The following STIM1 variants were observed in gnomAD, a reference collection of about 807,000 sequenced individuals.
STIM1 encodes the protein stromal interaction molecule 1.
In STIM1, 25 loss-of-function variants were observed where a neutral mutation model predicts 74.7. That is an observed-to-expected ratio of 0.33 (90% CI 0.24 to 0.47). The LOEUF is 0.47. Ranked by LOEUF, STIM1 falls within the 20% of genes least tolerant of loss-of-function variation. The pLI is 1.00. For synonymous variants in STIM1, 328 were observed against 348.8 expected (o/e 0.94, Z 0.66); for missense variants, 728 against 920.8 (o/e 0.79, Z 2.71).
intron 1 of STIM1, among the ~76,000 whole-genome samples, chr11:3,878,283 A>C (rs1047359313): frequency 1.3e-5 from 2 of 151,938 alleles, no homozygotes; most frequent in Non-Finnish European, 2.9e-5. Flanking sequence ...GGTGCTTTAC[A>C]CCAATAATTT....
At position 3,999,222 on chromosome 11, in the gene STIM1, A is replaced by G. The variant is rs551607792; in HGVS notation, c.271-24651A>G. On this transcript the variant is annotated intron_variant, in intron 2 of 12. Transcript: ENST00000526596. ...AAATTAGCCCCTGTGCCTGTAGTCC[A>G]AGCTACTCGGGAGGCTGAGGCAGGA... Among the ~76,000 whole-genome samples the G allele has an allele frequency of 3.3e-5, 5 of 152,250 alleles. No homozygotes were observed. The South Asian group carries it at 1.0e-3, about 32-fold the overall frequency.
chr11:4,090,439 C>T (rs2094517464), intron 12 of STIM1, among the ~76,000 whole-genome samples: 1 of 152,198 alleles, frequency 6.6e-6, no homozygotes, highest in Non-Finnish European at 1.5e-5. Flanking sequence ...TGCCGCACCA[C>T]AGACTTTGGT....
intron 3 of STIM1, among the ~76,000 whole-genome samples, chr11:4,048,562 A>G (rs964035772): frequency 3.9e-5 from 6 of 152,108 alleles, no homozygotes; most frequent in Non-Finnish European, 7.3e-5. Context: ...TTAAGCTACC[A>G]TGAAACTTTG....
intron 3 of STIM1, among the ~76,000 whole-genome samples, chr11:4,040,388 C>A (rs1376912995): frequency 6.6e-6 from 1 of 152,196 alleles, no homozygotes; most frequent in Non-Finnish European, 1.5e-5. Flanking sequence ...ATGGTGCTTT[C>A]ATATATGCTG....
chr11:3,912,801 G>A (rs994322699), intron 1 of STIM1, among the ~76,000 whole-genome samples: 1 of 152,222 alleles, frequency 6.6e-6, no homozygotes, highest in African/African-American at 2.4e-5. Flanking sequence ...AGGATGCATA[G>A]CTGCTCAGCT....
chr11:3,963,823 C>G (rs2093313934), intron 1 of STIM1, among the ~76,000 whole-genome samples: 1 of 152,184 alleles, frequency 6.6e-6, no homozygotes, highest in African/African-American at 2.4e-5. Flanking sequence ...TTGCAAAGAG[C>G]CACTTTCCCA....
At position 3,894,623 on chromosome 11, in the gene STIM1, C is replaced by T. The variant is rs529846472; in HGVS notation, c.139+38214C>T. 3.0e-4 allele frequency among the ~76,000 whole-genome samples: 45 copies of T among 152,258 alleles called. No individual in the cohort carries two copies. In the South Asian group the frequency reaches 3.3e-3, roughly 11 times the overall value. ...GGTCAGGCTTTAGTTGAGTCACATC[C>T]GACATGTTCCAGACCCAGGGTCCTG... On this transcript the variant is annotated intron_variant, in intron 1 of 12. Transcript: ENST00000526596.
chr11:3,882,929 A>G lies in STIM1; in HGVS notation c.139+26520A>G, dbSNP rs757413311. On this transcript the variant is annotated intron_variant, in intron 1 of 12. Coordinates refer to ENST00000526596, the MANE Select transcript of STIM1 (RefSeq NM_001382567.1). Reference sequence around the variant, plus strand: ...ATTTCTCTAATCTCTAATGATATTGATCATCTTTTCATGTACTTGTTGGTT... The same window carrying G: ...ATTTCTCTAATCTCTAATGATATTGGTCATCTTTTCATGTACTTGTTGGTT... Among the ~76,000 whole-genome samples, 63 of 152,066 alleles carry G rather than the reference A, an allele frequency of 4.1e-4. 2 individuals carry two copies. The highest frequency in any genetic ancestry group is 1.0e-4 in the Non-Finnish European group (7 of 68,004).
At chr11:3,941,673 T>TATATATATATAG (rs141623520) in intron 1 of STIM1, among the ~76,000 whole-genome samples, 5 of 90,728 alleles carry the variant, frequency 5.5e-5, no homozygotes, top group South Asian at 4.0e-4. Flanking sequence ...TATATATATA[T>TATATATATATAG]AGAGAGAGAG....
intron 1 of STIM1, among the ~76,000 whole-genome samples, chr11:3,900,142 A>G (rs1212267767): frequency 6.6e-6 from 1 of 152,138 alleles, no homozygotes; most frequent in African/African-American, 2.4e-5. Flanking sequence ...GCAATGGCAG[A>G]CGACCCTCCC....
At chr11:3,936,118 A>G (rs537255270) in intron 1 of STIM1, among the ~76,000 whole-genome samples, 3 of 152,308 alleles carry the variant, frequency 2.0e-5, no homozygotes, top group Admixed American at 6.5e-5. Flanking sequence ...GATATAGAAC[A>G]TTTTCATCAG....
chr11:4,036,955 G>A (rs1016394669), intron 3 of STIM1, among the ~76,000 whole-genome samples: 2 of 152,140 alleles, frequency 1.3e-5, no homozygotes, highest in African/African-American at 4.8e-5. Context: ...TACAGAGTGG[G>A]AGAAAATCAG....
chr11:3,868,760 G>T (rs1175422915), intron 1 of STIM1, among the ~76,000 whole-genome samples: 1 of 152,124 alleles, frequency 6.6e-6, no homozygotes. Flanking sequence ...TATCACCCTG[G>T]TTCAACTGTT....
chr11:4,019,507 G>A (rs1263311839), intron 2 of STIM1, among the ~76,000 whole-genome samples: 1 of 151,728 alleles, frequency 6.6e-6, no homozygotes, highest in Non-Finnish European at 1.5e-5. Flanking sequence ...GACACCGTGT[G>A]TACAAAAAAT....
At chr11:3,928,992 T>G (rs1056824230) in intron 1 of STIM1, among the ~76,000 whole-genome samples, 2 of 152,100 alleles carry the variant, frequency 1.3e-5, no homozygotes, top group South Asian at 4.1e-4. Flanking sequence ...TGCCTCAGCC[T>G]CCCAAAAAGT....
intron 2 of STIM1, among the ~76,000 whole-genome samples, chr11:3,971,736 A>G (rs1313795661): frequency 6.6e-6 from 1 of 152,230 alleles, no homozygotes; most frequent in Non-Finnish European, 1.5e-5. Context: ...GACATGAAGC[A>G]GTTTTAACAC....
intron 2 of STIM1, among the ~76,000 whole-genome samples, chr11:4,002,431 A>C (rs1013198685): frequency 5.3e-5 from 8 of 152,118 alleles, no homozygotes; most frequent in African/African-American, 1.7e-4. Context: ...GGATTAAGAA[A>C]CTCACTCAGA....
At chr11:3,904,790 T>C (rs1472574030) in intron 1 of STIM1, among the ~76,000 whole-genome samples, 1 of 152,126 alleles carries the variant, frequency 6.6e-6, no homozygotes, top group East Asian at 1.9e-4. Flanking sequence ...CCGGGGAAGT[T>C]AATGCTGCTC....
At chr11:3,900,053 C>T (rs944076705) in intron 1 of STIM1, among the ~76,000 whole-genome samples, 5 of 152,004 alleles carry the variant, frequency 3.3e-5, no homozygotes, top group Admixed American at 2.0e-4. Context: ...GGGAGGATTC[C>T]CTCTTTTTCT....
Sources: allele counts gnomAD v4.1 joint callset (sites outside exome capture counted in the v4.1 genomes callset), GRCh38; gene constraint gnomAD v4.1.1; transcripts MANE v1.5; gene names NCBI Gene and HGNC (gene_info 2026-07-23, HGNC 2026-07-21).